The following STK24 variants were observed in gnomAD, a reference collection of about 807,000 sequenced individuals.
The protein encoded by STK24 is serine/threonine kinase 24, also known as serine/threonine-protein kinase 24.
STK24 carries 21 observed loss-of-function variants against 55.6 expected under a neutral mutation model. The observed-to-expected ratio is 0.38, with a 90% CI of 0.27 to 0.54. STK24 has a LOEUF of 0.54. Among genes scored for constraint, STK24 ranks in the 20% least tolerant of loss-of-function variants. STK24 has a pLI of 0.79. For synonymous variants in STK24, 200 were observed against 215.2 expected, an observed-to-expected ratio of 0.93 and a Z score of 0.62; for missense variants, 383 against 538.4, an observed-to-expected ratio of 0.71 and a Z score of 2.86.
chr13:98,562,887 G>A (rs1897463079), intron 1 of STK24, among the ~76,000 whole-genome samples: 3 of 141,424 alleles, frequency 2.1e-5, no homozygotes, highest in African/African-American at 8.0e-5. Context: ...CTACACTCCA[G>A]TCTGGGCAAC....
chr13:98,460,472 A>C, intron 8 of STK24, 32 bp from the exon 9 acceptor site: 1 of 1,584,826 alleles, frequency 6.3e-7, no homozygotes, highest in Non-Finnish European at 8.7e-7. Flanking sequence ...GGTCATCAGA[A>C]ACAGTTGACG....
rs1211521018 is a variant in STK24, at chr13:98,449,745, A to G, written c.*3428T>C. 6.6e-6 allele frequency: 1 copy of G among 150,596 alleles called. No individual in the cohort carries two copies. Among genetic ancestry groups the G allele is most frequent in the Non-Finnish European group, 1.5e-5 (1 of 67,708 alleles). 9.3% of individuals were successfully genotyped at this position (150,596 alleles called of 1,614,324 possible). ...AAAATACCTCACGCCACAATCCAGC[A>G]TATTGATGTTTTAAGGCAAAACAAC... On this transcript the variant is annotated 3_prime_UTR_variant, in exon 11 of 11. Transcript: ENST00000539966.
Position 98,445,875 on chromosome 13 carries a change from C to G in STK24, c.*7298G>C, listed in dbSNP as rs1892802369. On this transcript the variant is annotated 3_prime_UTR_variant, in exon 11 of 11. Coordinates refer to ENST00000539966, the MANE Select transcript of STK24 (RefSeq NM_001032296.4). Reference sequence around the variant, plus strand: ...CCTCAACGTGTCTTTTGGGGGGACACAGGGACCCCAAGATGCCCCACAGCA... The same window carrying G: ...CCTCAACGTGTCTTTTGGGGGGACAGAGGGACCCCAAGATGCCCCACAGCA... The G allele has an allele frequency of 5.9e-6, 3 of 504,504 alleles. No homozygotes were observed. Among genetic ancestry groups the G allele is most frequent in the Non-Finnish European group, 1.1e-5 (3 of 280,904 alleles). The allele number at this position is 504,504 out of a possible 1,614,324, so 31.3% of individuals were successfully genotyped here. A position where few individuals can be genotyped will look rare whatever the true frequency, so the allele number is the denominator to read the frequency against.
At position 98,502,651 on chromosome 13, in the gene STK24, C is replaced by T. The variant is rs114284600; in HGVS notation, c.273+16592G>A. Among the ~76,000 whole-genome samples the T allele has an allele frequency of 3.9e-3, 600 of 152,216 alleles. 2 individuals are homozygous for T. Among genetic ancestry groups the T allele is most frequent in the African/African-American group, 0.011 (464 of 41,500 alleles). On this transcript the variant is annotated intron_variant, in intron 2 of 10. Transcript: ENST00000539966. Reference sequence around the variant, plus strand: ...TCCTGTCCCTGGTGCCTTTCTCCTTCGCACGAGCTTGCTTGCTCTTCCCAC... The same window carrying T: ...TCCTGTCCCTGGTGCCTTTCTCCTTTGCACGAGCTTGCTTGCTCTTCCCAC...
intron 5 of STK24, 98 bp from the exon 6 acceptor site, chr13:98,466,659 G>T: frequency 7.5e-7 from 1 of 1,339,472 alleles, no homozygotes. Flanking sequence ...ATACTTCTGA[G>T]GTTTTGAAAA....
At chr13:98,535,739 G>C (rs567913713) in intron 1 of STK24, among the ~76,000 whole-genome samples, 2 of 152,152 alleles carry the variant, frequency 1.3e-5, no homozygotes, top group Non-Finnish European at 1.5e-5. Flanking sequence ...GCTCGGAAGC[G>C]GGGTTTAAGG....
chr13:98,512,941 C>T (rs1285949303), intron 2 of STK24, among the ~76,000 whole-genome samples: 1 of 152,192 alleles, frequency 6.6e-6, no homozygotes, highest in Non-Finnish European at 1.5e-5. Context: ...CCAGACTTAC[C>T]GGGGTCACTG....
At chr13:98,576,493 GCACCCC>G (rs1243576845) in intron 1 of STK24, among the ~76,000 whole-genome samples, 1 of 152,062 alleles carries the variant, frequency 6.6e-6, no homozygotes, top group East Asian at 1.9e-4. Context: ...CTAGGCGCCC[GCACCCC>G]CACATCCGGA....
intron 9 of STK24, among the ~76,000 whole-genome samples, chr13:98,458,678 CAAAG>C (rs1167503353): frequency 1.3e-5 from 2 of 152,210 alleles, no homozygotes; most frequent in South Asian, 2.1e-4. Flanking sequence ...CCCTAAGTCT[CAAAG>C]AAGGAGCAAA....
intron 1 of STK24, among the ~76,000 whole-genome samples, chr13:98,541,182 T>A (rs1896880473): frequency 6.6e-6 from 1 of 152,208 alleles, no homozygotes. Context: ...TTAGAAGGTA[T>A]ATAAGCTCTG....
chr13:98,512,168 G>A (rs1208099065), intron 2 of STK24, among the ~76,000 whole-genome samples: 4 of 152,200 alleles, frequency 2.6e-5, no homozygotes, highest in South Asian at 4.1e-4. Context: ...GATTACAGGC[G>A]TGAGCCACTG....
Position 98,475,259 on chromosome 13 carries a change from C to A in STK24, c.430G>T (p.Asp144Tyr). ...YLHSEKKIHRDIKAANVLLSE... is the reference protein window; with the variant it reads ...YLHSEKKIHRYIKAANVLLSE... ...ACGGATGTCCTCTTACCTTTAATGT[C>A]TCTGTGGATTTTCTTCTCCGAATGG... Residue 144 changes from aspartate to tyrosine, a missense_variant, in exon 4 of 11, where the codon GAC becomes TAC. Transcript: ENST00000539966. 6.2e-7 allele frequency: 1 copy of A among 1,609,548 alleles called. No homozygotes were observed. The highest frequency in any genetic ancestry group is 8.5e-7 in the Non-Finnish European group (1 of 1,177,120).
At chr13:98,575,071 T>G (rs1282637147) in intron 1 of STK24, among the ~76,000 whole-genome samples, 2 of 150,878 alleles carry the variant, frequency 1.3e-5, no homozygotes, top group Non-Finnish European at 2.9e-5. Flanking sequence ...TGATAAAACT[T>G]TTTTTTTAAA....
Position 98,577,029 on chromosome 13 carries a change from C to G in STK24, c.-243G>C, listed in dbSNP as rs2139479863. 3 of 147,760 alleles carry G rather than the reference C, an allele frequency of 2.0e-5. No individual in the cohort carries two copies. In the South Asian group the frequency reaches 6.0e-4, roughly 30 times the overall value. The allele number at this position is 147,760 out of a possible 1,614,324, so 9.2% of individuals were successfully genotyped here. On this transcript the variant is annotated 5_prime_UTR_variant, in exon 1 of 11. Transcript: ENST00000539966. The surrounding 1 kb of genome is among the most constrained non-coding windows in gnomAD (Gnocchi z 4.1). ...GCGCAGGGCCTCGCGCGCACTGCCG[C>G]CGCCGCCGCTGCTGCCGCTACTGCT...
At chr13:98,467,982 G>C (rs1310691433) in intron 5 of STK24, among the ~76,000 whole-genome samples, 1 of 152,194 alleles carries the variant, frequency 6.6e-6, no homozygotes, top group Non-Finnish European at 1.5e-5. Flanking sequence ...ACTGTGCACT[G>C]GAATCCATCA....
rs183045532 is a variant in STK24, at chr13:98,524,560, C to A, written c.43-5087G>T. Among the ~76,000 whole-genome samples, 275 of 152,338 alleles carry A rather than the reference C, an allele frequency of 1.8e-3. 3 individuals are homozygous for A. The highest frequency in any genetic ancestry group is 6.8e-3 in the Middle Eastern group (2 of 294). On this transcript the variant is annotated intron_variant, in intron 1 of 10. Coordinates refer to ENST00000539966, the MANE Select transcript of STK24 (RefSeq NM_001032296.4). ...CCAGCTGGCCACAGCCACACGAATG[C>A]ACCTCAGCCAGGCGGGTGGAAAAAC...
intron 8 of STK24, among the ~76,000 whole-genome samples, chr13:98,460,934 G>A (rs1028624083): frequency 5.3e-5 from 8 of 151,728 alleles, no homozygotes; most frequent in Non-Finnish European, 1.2e-4. Flanking sequence ...TGCAATCCCA[G>A]TTACTCAGGA....
At chr13:98,456,271 G>A (rs1193522415) in intron 10 of STK24, 4 of 348,360 alleles carry the variant, frequency 1.1e-5, no homozygotes, top group Non-Finnish European at 2.3e-5. Flanking sequence ...CCTCACGTGT[G>A]CAAAACTTCT....
intron 1 of STK24, among the ~76,000 whole-genome samples, chr13:98,555,829 C>T (rs1294754767): frequency 4.0e-5 from 6 of 150,908 alleles, no homozygotes; most frequent in South Asian, 2.1e-4. Flanking sequence ...TACAGGTGCC[C>T]GCCACCACAC....
Sources: gnomAD v4.1 joint callset for allele counts (sites outside exome capture counted in the v4.1 genomes callset) on GRCh38, gnomAD v4.1.1 for gene constraint, Gnocchi (gnomAD v3.1) non-coding constraint, MANE v1.5 for transcripts, NCBI Gene and HGNC (gene_info 2026-07-23, HGNC 2026-07-21) for gene names.